The following STAU2 variants were observed in gnomAD, a reference collection of about 807,000 sequenced individuals.
The protein encoded by STAU2 is staufen double-stranded RNA binding protein 2.
Under a neutral mutation model 65.9 loss-of-function variants are expected in STAU2, and 20 were observed. The observed-to-expected ratio is 0.30, with a 90% CI of 0.21 to 0.44. The LOEUF is 0.44. Ranked by LOEUF, STAU2 falls within the 20% of genes least tolerant of loss-of-function variation. The probability of loss-of-function intolerance (pLI) is 1.00; values close to 1 mark genes in which losing one functional copy is unlikely to be tolerated. For missense variants in STAU2, 558 were observed against 683.9 expected, an observed-to-expected ratio of 0.82 and a Z score of 2.05; for synonymous variants, 232 against 233.9, an observed-to-expected ratio of 0.99 and a Z score of 0.07.
chr8:73,643,884 T>C (rs1815170799), intron 6 of STAU2, among the ~76,000 whole-genome samples: 3 of 152,214 alleles, frequency 2.0e-5, no homozygotes, highest in Admixed American at 6.5e-5. Context: ...AGTGAAAGCA[T>C]AGTATATAAT....
At chr8:73,494,835 C>T (rs1002784678) in intron 13 of STAU2, among the ~76,000 whole-genome samples, 11 of 151,350 alleles carry the variant, frequency 7.3e-5, no homozygotes, top group Admixed American at 5.3e-4. Context: ...TAAATTTTAA[C>T]GGAAGTTTTG....
chr8:73,688,174 T>C (rs1392858008), intron 5 of STAU2, among the ~76,000 whole-genome samples: 2 of 151,394 alleles, frequency 1.3e-5, no homozygotes, highest in African/African-American at 4.9e-5. Context: ...TCCTCTCACC[T>C]TCATTTTTTT....
chr8:73,447,916 T>C (rs1818564771), intron 13 of STAU2, among the ~76,000 whole-genome samples: 1 of 152,194 alleles, frequency 6.6e-6, no homozygotes, highest in Non-Finnish European at 1.5e-5. Flanking sequence ...TAGTCTTTCC[T>C]CTCAAGACAC....
At chr8:73,488,709 C>G (rs1821031609) in intron 13 of STAU2, among the ~76,000 whole-genome samples, 1 of 148,304 alleles carries the variant, frequency 6.7e-6, no homozygotes. Context: ...AAAAGCTATA[C>G]CAGACTATCA....
intron 12 of STAU2, among the ~76,000 whole-genome samples, chr8:73,581,913 A>G (rs1810016642): frequency 6.6e-6 from 1 of 152,214 alleles, no homozygotes. Flanking sequence ...GATTACGATA[A>G]TTTACAGATT....
chr8:73,469,457 AAT>A (rs1161370025), intron 13 of STAU2, among the ~76,000 whole-genome samples: 4 of 130,550 alleles, frequency 3.1e-5, no homozygotes, highest in African/African-American at 1.2e-4. Context: ...AGTATAATAA[AAT>A]ATATATATAT....
intron 12 of STAU2, among the ~76,000 whole-genome samples, chr8:73,556,143 A>C (rs1430887986): frequency 6.6e-6 from 1 of 152,220 alleles, no homozygotes; most frequent in Admixed American, 6.5e-5. Context: ...TTTATAAAAC[A>C]ATATATTTCT....
chr8:73,442,880 TTTC>T (rs1818266086), intron 13 of STAU2, among the ~76,000 whole-genome samples: 1 of 152,234 alleles, frequency 6.6e-6, no homozygotes, highest in African/African-American at 2.4e-5. Context: ...AGCAGAAGAT[TTTC>T]TTCTTTTGCT....
intron 13 of STAU2, among the ~76,000 whole-genome samples, chr8:73,547,431 T>C (rs1379042733): frequency 6.6e-6 from 1 of 152,188 alleles, no homozygotes; most frequent in Non-Finnish European, 1.5e-5. Context: ...CAGGTGTGTG[T>C]TATGTTTGCA....
intron 13 of STAU2, among the ~76,000 whole-genome samples, chr8:73,483,700 G>A (rs1378974943): frequency 6.6e-6 from 1 of 152,114 alleles, no homozygotes; most frequent in Non-Finnish European, 1.5e-5. Flanking sequence ...TTGGCACAAC[G>A]AGAAGCCAAT....
rs1295390981 is a variant in STAU2 at position 73,595,399 on chromosome 8, CAT to C, written c.1030-104_1030-103del. 18 of 1,118,740 alleles carry C rather than the reference CAT, an allele frequency of 1.6e-5. No homozygotes were observed. The South Asian group carries it at 3.1e-4, about 19-fold the overall frequency. The allele number at this position is 1,118,740 out of a possible 1,614,324, so 69.3% of individuals were successfully genotyped here. Reference sequence around the variant, plus strand: ...AATTCTACTCTCTAGCATTTGAAAACATAAAGTTCAGTCCAAAGTAAAAATGG... The same window carrying C: ...AATTCTACTCTCTAGCATTTGAAAACAAAGTTCAGTCCAAAGTAAAAATGG... On this transcript the variant is annotated intron_variant, in intron 10 of 14. Transcript: ENST00000524300.
At chr8:73,553,560 G>A (rs2128944195) in intron 12 of STAU2, among the ~76,000 whole-genome samples, 1 of 152,190 alleles carries the variant, frequency 6.6e-6, no homozygotes, top group African/African-American at 2.4e-5. Flanking sequence ...TTTAACTCAG[G>A]ATTCCTGAGT....
intron 10 of STAU2, among the ~76,000 whole-genome samples, chr8:73,598,762 T>C (rs1563448636): frequency 6.6e-6 from 1 of 152,052 alleles, no homozygotes; most frequent in Non-Finnish European, 1.5e-5. Context: ...ATTTCATATA[T>C]AAGGAATCTA....
intron 3 of STAU2, among the ~76,000 whole-genome samples, chr8:73,728,514 C>G (rs527622861): frequency 1.4e-5 from 2 of 147,852 alleles, no homozygotes; most frequent in African/African-American, 5.0e-5. Flanking sequence ...TGCATTGAAT[C>G]TGGAGATTGC....
rs34533172 is a variant in STAU2 at position 73,591,882 on chromosome 8, T to TAA, written c.1161+3282_1161+3283dup. Among the ~76,000 whole-genome samples the TAA allele has an allele frequency of 8.8e-4, 25 of 28,470 alleles. 1 individual carries two copies. Among genetic ancestry groups the TAA allele is most frequent in the East Asian group, 2.7e-3 (1 of 376 alleles). 18.7% of individuals were successfully genotyped at this position (28,470 alleles called of 152,430 possible). A position where few individuals can be genotyped will look rare whatever the true frequency, so the allele number is the denominator to read the frequency against. On this transcript the variant is annotated intron_variant, in intron 11 of 14. Transcript: ENST00000524300. ...ACCCATACAGCGTGTATCCCAGAGGTAAAAAAAAAAAAAAAAAAAAAAAAA... is the reference window on the plus strand; with the variant it reads ...ACCCATACAGCGTGTATCCCAGAGGTAAAAAAAAAAAAAAAAAAAAAAAAAAA...
Position 73,448,562 on chromosome 8 carries a change from C to T in STAU2, c.1531-25860G>A, listed in dbSNP as rs545488886. On this transcript the variant is annotated intron_variant, in intron 13 of 14. Coordinates refer to ENST00000524300, the MANE Select transcript of STAU2 (RefSeq NM_001164380.2). ...CCTCCCAAAGTGCTAGGATTACAGG[C>T]ATTAGCCACCACGCCCGGCTAGGAG... is the stretch of plus-strand genomic sequence containing the variant. Among the ~76,000 whole-genome samples, 4 of 152,316 alleles carry T rather than the reference C, an allele frequency of 2.6e-5. No individual in the cohort carries two copies. In the South Asian group the frequency reaches 8.3e-4, roughly 32 times the overall value.
At chr8:73,571,560 G>A (rs1345328954) in intron 12 of STAU2, among the ~76,000 whole-genome samples, 1 of 152,186 alleles carries the variant, frequency 6.6e-6, no homozygotes, top group Non-Finnish European at 1.5e-5. Context: ...TCAGACCACA[G>A]TGCAATCAAA....
rs1400264710 is a variant in STAU2, at chr8:73,546,447, AATC to A, written c.1530+5562_1530+5564del. 3.3e-5 allele frequency among the ~76,000 whole-genome samples: 5 copies of A among 152,272 alleles called. No individual in the cohort carries two copies. The East Asian group carries it at 7.7e-4, about 23-fold the overall frequency. ...AACATTATACAATAGCTTTCTTCAA[AATC>A]AAATAAAAGATTTGTAGGCAAAAAC... On this transcript the variant is annotated intron_variant, in intron 13 of 14. Transcript: ENST00000524300.
chr8:73,427,917 T>G (rs1816944625), intron 13 of STAU2, among the ~76,000 whole-genome samples: 12 of 152,262 alleles, frequency 7.9e-5, no homozygotes, highest in Admixed American at 7.9e-4. Flanking sequence ...CAATTACATT[T>G]GAAATTTTAT....
Sources: allele counts gnomAD v4.1 joint callset (sites outside exome capture counted in the v4.1 genomes callset), GRCh38; gene constraint gnomAD v4.1.1; transcripts MANE v1.5; gene names NCBI Gene and HGNC (gene_info 2026-07-23, HGNC 2026-07-21).